PIGL: variants seen among roughly 807,000 people sequenced by gnomAD.
The protein encoded by PIGL is N-acetylglucosaminyl-phosphatidylinositol de-N-acetylase.
In PIGL, 22 loss-of-function variants were observed where a neutral mutation model predicts 31.1. That is an observed-to-expected ratio of 0.71 (90% CI 0.51 to 1.01). The LOEUF (loss-of-function observed/expected upper bound fraction) is 1.01, where lower values mean the gene tolerates loss of function less well. Ranked by LOEUF, PIGL falls within the 50% of genes least tolerant of loss-of-function variation. The pLI is 0.00. For synonymous variants in PIGL, 131 were observed against 117.4 expected, an observed-to-expected ratio of 1.12 and a Z score of -0.75; for missense variants, 302 against 315.9, an observed-to-expected ratio of 0.96 and a Z score of 0.33.
At chr17:16,223,045 CT>C (rs2092636470) in intron 1 of PIGL, among the ~76,000 whole-genome samples, 1 of 152,008 alleles carries the variant, frequency 6.6e-6, no homozygotes, top group Admixed American at 6.6e-5. Flanking sequence ...AAAAGAATGC[CT>C]CGGTCAAGTT....
intron 3 of PIGL, chr17:16,312,928 A>AGGGGGGGGGGGGGGGG (rs869065594): frequency 3.9e-5 from 1 of 25,344 alleles, no homozygotes; most frequent in African/African-American, 1.3e-4. Flanking sequence ...GGGAGGGGGA[A>AGGGGGGGGGGGGGGGG]GGGGGGGGGA....
chr17:16,258,133 GAGAGAA>G (rs1394595786), intron 2 of PIGL, among the ~76,000 whole-genome samples: 3 of 117,932 alleles, frequency 2.5e-5, no homozygotes, highest in Non-Finnish European at 5.8e-5. Flanking sequence ...GAAAGAGAGA[GAGAGAA>G]AGAGAGAGAG....
chr17:16,280,015 T>C (rs147954590), intron 2 of PIGL, among the ~76,000 whole-genome samples: 2 of 152,314 alleles, frequency 1.3e-5, no homozygotes, highest in East Asian at 3.9e-4. Context: ...GCTGGGTTTA[T>C]TACCAGTAGA....
chr17:16,280,469 A>G (rs2092912158), intron 2 of PIGL, among the ~76,000 whole-genome samples: 1 of 152,132 alleles, frequency 6.6e-6, no homozygotes, highest in Non-Finnish European at 1.5e-5. Context: ...CATTTTTTGC[A>G]TAACTTTTTT....
chr17:16,234,176 T>A, intron 2 of PIGL, 106 bp downstream of exon 2: 1 of 683,318 alleles, frequency 1.5e-6, no homozygotes, highest in East Asian at 2.7e-5. Context: ...ACATCTTGTA[T>A]GAAAAGTCTA....
intron 1 of PIGL, among the ~76,000 whole-genome samples, chr17:16,229,243 T>C (rs2092667472): frequency 6.6e-6 from 1 of 152,046 alleles, no homozygotes; most frequent in East Asian, 1.9e-4. Flanking sequence ...GTCTGCTGCA[T>C]TCCGGCCTGG....
rs35821817 is a variant in PIGL, at chr17:16,233,109, T to TAA, written c.236-849_236-848dup. 8.1e-4 allele frequency among the ~76,000 whole-genome samples: 117 copies of TAA among 144,402 alleles called. 1 individual carries two copies. The highest frequency in any genetic ancestry group is 4.8e-4 in the Non-Finnish European group (32 of 66,198). 94.7% of individuals were successfully genotyped at this position (144,402 alleles called of 152,430 possible). A position where few individuals can be genotyped will look rare whatever the true frequency, so the allele number is the denominator to read the frequency against. On this transcript the variant is annotated intron_variant, in intron 1 of 6. Transcript: ENST00000225609. The stretch of plus-strand genomic sequence containing the variant: ...AGCCAGGGCGACAGAGCAAGACTCT[T>TAA]AAAAAAAAAAAAAATGGCCATTATC...
intron 2 of PIGL, among the ~76,000 whole-genome samples, chr17:16,266,981 C>T (rs1219429391): frequency 6.6e-6 from 1 of 151,768 alleles, no homozygotes; most frequent in African/African-American, 2.4e-5. Flanking sequence ...ACAGCACCAT[C>T]CCAGCAATTC....
At chr17:16,252,392 A>G (rs868129969) in intron 2 of PIGL, among the ~76,000 whole-genome samples, 2 of 152,000 alleles carry the variant, frequency 1.3e-5, no homozygotes, top group Admixed American at 6.6e-5. Flanking sequence ...TTTTAAATAG[A>G]ACTAAGACAA....
chr17:16,234,495 G>A (rs2092691698), intron 2 of PIGL, among the ~76,000 whole-genome samples: 1 of 152,046 alleles, frequency 6.6e-6, no homozygotes, highest in Admixed American at 6.6e-5. Context: ...GGGGCACAGT[G>A]GCTTACGCCT....
At chr17:16,271,711 TA>T in intron 2 of PIGL, among the ~76,000 whole-genome samples, 1 of 151,666 alleles carries the variant, frequency 6.6e-6, no homozygotes, top group African/African-American at 2.4e-5. Context: ...TTTGTATTTT[TA>T]GTAGAGATGG....
intron 2 of PIGL, among the ~76,000 whole-genome samples, chr17:16,272,447 A>G (rs566214369): frequency 6.6e-5 from 10 of 151,834 alleles, no homozygotes; most frequent in African/African-American, 1.9e-4. Flanking sequence ...TTTGTTCAAG[A>G]TTCTCTCATC....
chr17:16,236,579 A>AT (rs941896361), intron 2 of PIGL, among the ~76,000 whole-genome samples: 1 of 151,874 alleles, frequency 6.6e-6, no homozygotes, highest in Non-Finnish European at 1.5e-5. Flanking sequence ...TTATTTATTT[A>AT]TTTTTTTAGA....
At chr17:16,226,004 A>G (rs1354652010) in intron 1 of PIGL, among the ~76,000 whole-genome samples, 1 of 133,584 alleles carries the variant, frequency 7.5e-6, no homozygotes, top group African/African-American at 3.0e-5. Context: ...CCAGACCAGG[A>G]AAAAAAAAAA....
chr17:16,245,062 G>A (rs753317926), intron 2 of PIGL, among the ~76,000 whole-genome samples: 7 of 151,294 alleles, frequency 4.6e-5, no homozygotes, highest in South Asian at 2.1e-4. Flanking sequence ...GTGCAATCTC[G>A]GCTCACTGCA....
At chr17:16,233,930 T>TAA (rs371823707) in intron 1 of PIGL, 41 bp from the exon 2 acceptor site, 83 of 991,776 alleles carry the variant, frequency 8.4e-5, no homozygotes, top group Middle Eastern at 2.3e-4. Flanking sequence ...TCTCCACTGT[T>TAA]AAAAAAAAAA....
At chr17:16,270,621 G>A (rs1008760724) in intron 2 of PIGL, among the ~76,000 whole-genome samples, 1 of 152,056 alleles carries the variant, frequency 6.6e-6, no homozygotes, top group Non-Finnish European at 1.5e-5. Flanking sequence ...GTCAGGCCAG[G>A]CACAGTGGCT....
intron 2 of PIGL, among the ~76,000 whole-genome samples, chr17:16,246,670 G>GTTTTTTTTTTTT (rs1284256034): frequency 1.2e-4 from 13 of 106,528 alleles, no homozygotes; most frequent in Non-Finnish European, 2.0e-4. Flanking sequence ...CCAGATCAAG[G>GTTTTTTTTTTTT]TCTTTTTTTT....
chr17:16,256,975 A>T (rs1245023314), intron 2 of PIGL, among the ~76,000 whole-genome samples: 1 of 152,118 alleles, frequency 6.6e-6, no homozygotes, highest in African/African-American at 2.4e-5. Flanking sequence ...GGCGTGAGCC[A>T]CCATGCCAGC....
Sources: allele counts gnomAD v4.1 joint callset (sites outside exome capture counted in the v4.1 genomes callset), GRCh38; gene constraint gnomAD v4.1.1; transcripts MANE v1.5; gene names NCBI Gene and HGNC (gene_info 2026-07-23, HGNC 2026-07-21).